Variants in RSRC1 observed in about 807,000 individuals in gnomAD.
The protein encoded by RSRC1 is serine/Arginine-related protein 53.
Under a neutral mutation model 49.1 loss-of-function variants are expected in RSRC1, and 39 were observed. The ratio of observed to expected loss-of-function variants is 0.79; its 90% CI spans 0.61 to 1.04. The LOEUF is 1.04. RSRC1 is among the 50% of genes least tolerant of loss of function. The probability of loss-of-function intolerance (pLI) is 0.00; values close to 1 mark genes in which losing one functional copy is unlikely to be tolerated. For missense variants in RSRC1, 388 were observed against 402.4 expected (o/e 0.96, Z 0.31); for synonymous variants, 143 against 130.8 (o/e 1.09, Z -0.63).
At chr3:158,264,697 G>A (rs973282414) in intron 4 of RSRC1, among the ~76,000 whole-genome samples, 10 of 152,164 alleles carry the variant, frequency 6.6e-5, no homozygotes, top group African/African-American at 2.4e-4. Context: ...AAGTTCCTTG[G>A]AAACAGTTTT....
At chr3:158,471,916 G>T (rs533602624) in intron 7 of RSRC1, among the ~76,000 whole-genome samples, 1 of 152,068 alleles carries the variant, frequency 6.6e-6, no homozygotes. Flanking sequence ...AGTACACTAA[G>T]ACATTTTAGG....
At chr3:158,153,579 T>C (rs1284538391) in intron 3 of RSRC1, among the ~76,000 whole-genome samples, 1 of 152,206 alleles carries the variant, frequency 6.6e-6, no homozygotes, top group African/African-American at 2.4e-5. Context: ...CAGAAAGCAC[T>C]GTATTAAGGA....
chr3:158,473,276 A>G (rs1053766357), intron 7 of RSRC1, among the ~76,000 whole-genome samples: 2 of 152,284 alleles, frequency 1.3e-5, no homozygotes, highest in South Asian at 2.1e-4. Flanking sequence ...ATGTCCAACA[A>G]TGATAGACTG....
chr3:158,256,305 CCT>C (rs1724553947), intron 4 of RSRC1, among the ~76,000 whole-genome samples: 1 of 152,136 alleles, frequency 6.6e-6, no homozygotes, highest in Non-Finnish European at 1.5e-5. Flanking sequence ...CTTTTCAGCA[CCT>C]CTCGAGATAA....
chr3:158,294,528 T>A (rs1727124173), intron 4 of RSRC1, among the ~76,000 whole-genome samples: 1 of 151,406 alleles, frequency 6.6e-6, no homozygotes, highest in African/African-American at 2.4e-5. Context: ...TGGGTTCATC[T>A]TTTTTTTTCC....
At chr3:158,516,783 G>A (rs1740567231) in intron 7 of RSRC1, among the ~76,000 whole-genome samples, 1 of 152,238 alleles carries the variant, frequency 6.6e-6, no homozygotes, top group Non-Finnish European at 1.5e-5. Context: ...GCCAGGTGCG[G>A]GATATAATCT....
At chr3:158,311,228 A>G (rs1398612618) in intron 5 of RSRC1, among the ~76,000 whole-genome samples, 2 of 151,892 alleles carry the variant, frequency 1.3e-5, no homozygotes, top group East Asian at 1.9e-4. Flanking sequence ...CTACCATATT[A>G]AACTATGAAT....
At position 158,229,047 on chromosome 3, in the gene RSRC1, T is replaced by TACGTGTATATGTGTGTATAAACAC. The variant is rs1722732634; in HGVS notation, c.494+25803_494+25826dup. On this transcript the variant is annotated intron_variant, in intron 4 of 9. Coordinates refer to ENST00000611884, the MANE Select transcript of RSRC1 (RefSeq NM_001271838.2). ...GTGTATATGTGTGTATAAACACACA[T>TACGTGTATATGTGTGTATAAACAC]ACGTGTATATGTGTGTATAAACACG... 4.3e-5 allele frequency among the ~76,000 whole-genome samples: 5 copies of TACGTGTATATGTGTGTATAAACAC among 115,184 alleles called. 2 individuals are homozygous for TACGTGTATATGTGTGTATAAACAC. Among genetic ancestry groups the TACGTGTATATGTGTGTATAAACAC allele is most frequent in the African/African-American group, 1.7e-4 (5 of 29,412 alleles). The allele number at this position is 115,184 out of a possible 152,430, so 75.6% of individuals were successfully genotyped here. A position where few individuals can be genotyped will look rare whatever the true frequency, so the allele number is the denominator to read the frequency against.
chr3:158,414,519 C>T (rs1734639377), intron 6 of RSRC1, among the ~76,000 whole-genome samples: 1 of 152,028 alleles, frequency 6.6e-6, no homozygotes, highest in Non-Finnish European at 1.5e-5. Context: ...GTGTAACAAA[C>T]CTGCACATCC....
At chr3:158,530,457 T>C (rs1456938982) in intron 7 of RSRC1, among the ~76,000 whole-genome samples, 1 of 151,968 alleles carries the variant, frequency 6.6e-6, no homozygotes, top group Non-Finnish European at 1.5e-5. Context: ...TCTATTTTCC[T>C]TGATATTATA....
chr3:158,406,371 T>C (rs1236196119), intron 6 of RSRC1, among the ~76,000 whole-genome samples: 1 of 152,144 alleles, frequency 6.6e-6, no homozygotes, highest in African/African-American at 2.4e-5. Flanking sequence ...AGTGTAACTT[T>C]ATATAAATTG....
chr3:158,302,471 G>C (rs193138265), intron 5 of RSRC1, among the ~76,000 whole-genome samples: 3 of 151,604 alleles, frequency 2.0e-5, no homozygotes, highest in Admixed American at 6.6e-5. Context: ...TAGATGAAAG[G>C]CCTTCTGATA....
At chr3:158,124,266 G>T (rs1272470068) in intron 3 of RSRC1, among the ~76,000 whole-genome samples, 1 of 152,034 alleles carries the variant, frequency 6.6e-6, no homozygotes, top group Admixed American at 6.6e-5. Context: ...GGCTAGATTG[G>T]GTTTCTTTTT....
At chr3:158,518,148 A>ATATATATATTTTTTTTT (rs1310027981) in intron 7 of RSRC1, among the ~76,000 whole-genome samples, 1 of 44,142 alleles carries the variant, frequency 2.3e-5, no homozygotes, top group African/African-American at 1.5e-4. Context: ...ATATATATAT[A>ATATATATATTTTTTTTT]TTTTTTTTTT....
At chr3:158,477,798 T>TTTATATATATATATATATATATATATA (rs1485762587) in intron 7 of RSRC1, among the ~76,000 whole-genome samples, 1 of 89,772 alleles carries the variant, frequency 1.1e-5, no homozygotes, top group Non-Finnish European at 2.3e-5. Context: ...CGGGAGGGAT[T>TTTATATATATATATATATATATATATA]TATATATATA....
intron 6 of RSRC1, among the ~76,000 whole-genome samples, chr3:158,457,463 A>G (rs1737390376): frequency 6.6e-6 from 1 of 152,168 alleles, no homozygotes; most frequent in African/African-American, 2.4e-5. Context: ...ATTTTGAAAT[A>G]TCTGTTTGGC....
chr3:158,520,381 TGTA>T (rs1445791693), intron 7 of RSRC1, among the ~76,000 whole-genome samples: 3 of 152,192 alleles, frequency 2.0e-5, no homozygotes, highest in Non-Finnish European at 4.4e-5. Context: ...GAATCCTTCT[TGTA>T]GTCATCACTT....
chr3:158,291,796 T>A (rs1726950628), intron 4 of RSRC1, among the ~76,000 whole-genome samples: 1 of 152,268 alleles, frequency 6.6e-6, no homozygotes, highest in Non-Finnish European at 1.5e-5. Flanking sequence ...TGATTGATAC[T>A]GTTCTTCTGT....
chr3:158,515,138 G>T (rs1740441185), intron 7 of RSRC1, among the ~76,000 whole-genome samples: 1 of 151,050 alleles, frequency 6.6e-6, no homozygotes. Context: ...ATATTGTTAT[G>T]TGTGAATTTG....
Sources: gnomAD v4.1 joint callset for allele counts (sites outside exome capture counted in the v4.1 genomes callset) on GRCh38, gnomAD v4.1.1 for gene constraint, MANE v1.5 for transcripts, NCBI Gene and HGNC (gene_info 2026-07-23, HGNC 2026-07-21) for gene names.